Variants in SND1 observed in about 807,000 individuals in gnomAD.
The protein encoded by SND1 is staphylococcal nuclease and tudor domain containing 1.
In SND1, 38 loss-of-function variants were observed where a neutral mutation model predicts 121.7. That is an observed-to-expected ratio of 0.31 (90% CI 0.24 to 0.41). The LOEUF (loss-of-function observed/expected upper bound fraction) is 0.41, where lower values mean the gene tolerates loss of function less well. Among genes scored for constraint, SND1 ranks in the 10% least tolerant of loss-of-function variants. The probability of loss-of-function intolerance (pLI) is 1.00; values close to 1 mark genes in which losing one functional copy is unlikely to be tolerated. For missense variants in SND1, 868 were observed against 1,184.6 expected (o/e 0.73, Z 3.92); for synonymous variants, 401 against 447.4 (o/e 0.90, Z 1.31).
At chr7:127,700,548 A>T (rs554194127) in intron 4 of SND1, among the ~76,000 whole-genome samples, 2 of 151,696 alleles carry the variant, frequency 1.3e-5, no homozygotes, top group Admixed American at 6.5e-5. Context: ...TAGCCTTTTT[A>T]AAAAAACTTG....
chr7:127,711,127 C>G (rs1306684719), intron 9 of SND1, among the ~76,000 whole-genome samples: 1 of 152,172 alleles, frequency 6.6e-6, no homozygotes, highest in Non-Finnish European at 1.5e-5. Context: ...ACTGGTTTCT[C>G]TTTTTGCCTG....
At chr7:127,709,167 A>G (rs751541098) in intron 9 of SND1, among the ~76,000 whole-genome samples, 4 of 152,172 alleles carry the variant, frequency 2.6e-5, no homozygotes, top group Non-Finnish European at 4.4e-5. Flanking sequence ...GCAGACCACA[A>G]TGTCCCTTCT....
chr7:127,887,912 G>A lies in SND1; in HGVS notation c.1354G>A (p.Glu452Lys). 6.2e-7 allele frequency: 1 copy of A among 1,611,192 alleles called. No individual in the cohort carries two copies. Among genetic ancestry groups the A allele is most frequent in the Non-Finnish European group, 8.5e-7 (1 of 1,178,188 alleles). ...TCTTTTCTGTTGCAGAAACATTGCT[G>A]AGGCTCTTGTCAGCAAAGGTCTAGC... Reference protein sequence around the residue: ...TVTIGGINIAEALVSKGLATV... With the variant: ...TVTIGGINIAKALVSKGLATV... Residue 452 changes from glutamate to lysine, a missense_variant, in exon 13 of 24, where the codon GAG (glutamate) becomes AAG (lysine). By Grantham distance (56) the Glu-to-Lys change is moderately conservative (BLOSUM62 1). This residue lies in a region of SND1 where 743 missense variants were observed against 1,071.3 expected (regional missense o/e 0.69). Transcript: ENST00000354725.
chr7:127,679,989 T>C (rs1325967011), intron 1 of SND1, among the ~76,000 whole-genome samples: 1 of 152,126 alleles, frequency 6.6e-6, no homozygotes, highest in Non-Finnish European at 1.5e-5. Flanking sequence ...CGTAGGTTCT[T>C]TTCTATTTTC....
At chr7:127,999,621 C>T (rs1415395141) in intron 16 of SND1, 1 of 152,088 alleles carries the variant, frequency 6.6e-6, no homozygotes, top group African/African-American at 2.4e-5. Flanking sequence ...CTTTATGCCT[C>T]ATCTCAATTG....
intron 16 of SND1, among the ~76,000 whole-genome samples, chr7:127,994,065 G>A (rs543284566): frequency 2.6e-5 from 4 of 152,340 alleles, no homozygotes; most frequent in South Asian, 2.1e-4. Flanking sequence ...TTGGTGGGCC[G>A]TGCAGGAGTT....
intron 16 of SND1, among the ~76,000 whole-genome samples, chr7:128,009,869 G>A (rs528126356): frequency 2.8e-4 from 43 of 152,128 alleles, no homozygotes; most frequent in Non-Finnish European, 5.0e-4. Context: ...AATGAGAAAG[G>A]AGTCAATGCC....
rs1584778647 is a variant in SND1 at position 128,081,362 on chromosome 7, C to G, written c.1971C>G (p.Val657=). 1 of 1,614,134 alleles carries G rather than the reference C, an allele frequency of 6.2e-7. No individual in the cohort carries two copies. The highest frequency in any genetic ancestry group is 8.5e-7 in the Non-Finnish European group (1 of 1,180,006). ...ACCTCTGCCGACTGAACATGCAGGT[C>G]TGGGCCCACTATGAGGAGCAGCCCG... ...EEAAKQKKEK[V]WAHYEEQPVE... is the part of the protein sequence containing the mutation. Residue 657 remains valine (V), a splice_region_variant and synonymous_variant, in exon 18 of 24, where the codon GTC becomes GTG. Coordinates refer to ENST00000354725, the MANE Select transcript of SND1 (RefSeq NM_014390.4).
intron 15 of SND1, among the ~76,000 whole-genome samples, chr7:127,958,670 T>C (rs1227150892): frequency 6.6e-6 from 1 of 152,148 alleles, no homozygotes. Flanking sequence ...CATGCTTACG[T>C]CCAGAGTGCC....
At position 128,029,268 on chromosome 7, in the gene SND1, G is replaced by C; in HGVS notation, c.1779+38212G>C. 8 of 1,614,156 alleles carry C rather than the reference G, an allele frequency of 5.0e-6. No homozygotes were observed. The highest frequency in any genetic ancestry group is 6.8e-6 in the Non-Finnish European group (8 of 1,180,036). On this transcript the variant is annotated intron_variant, in intron 16 of 23. Coordinates refer to ENST00000354725, the MANE Select transcript of SND1 (RefSeq NM_014390.4). This position sits in a 1 kb window ranked among gnomAD's most constrained non-coding sequence, Gnocchi z 4.2. ...AGGCGAGATCTCCGTGGTCTCCACT[G>C]TTACTGTGGTGAAGAAGCTGTAGTT...
rs561329328 is a variant in SND1 at position 127,824,133 on chromosome 7, A to G, written c.1242+16560A>G. Reference sequence around the variant, plus strand: ...AAATGCAGTGCTATATTTTTATACTATCCTTTTCCCATGGTGGTATCTTTA... The same window carrying G: ...AAATGCAGTGCTATATTTTTATACTGTCCTTTTCCCATGGTGGTATCTTTA... On this transcript the variant is annotated intron_variant, in intron 11 of 23. Coordinates refer to ENST00000354725, the MANE Select transcript of SND1 (RefSeq NM_014390.4). 8.5e-4 allele frequency among the ~76,000 whole-genome samples: 129 copies of G among 152,344 alleles called. 3 individuals carry two copies. Among genetic ancestry groups the G allele is most frequent in the African/African-American group, 4.1e-4 (17 of 41,580 alleles).
intron 10 of SND1, among the ~76,000 whole-genome samples, chr7:127,749,046 T>TG (rs1453934314): frequency 1.4e-5 from 2 of 146,090 alleles, no homozygotes; most frequent in South Asian, 4.4e-4. Flanking sequence ...TTCTTTCGTT[T>TG]TTTTTTTTTT....
At chr7:128,012,307 C>A (rs1370735445) in intron 16 of SND1, among the ~76,000 whole-genome samples, 1 of 152,142 alleles carries the variant, frequency 6.6e-6, no homozygotes, top group Non-Finnish European at 1.5e-5. Flanking sequence ...TGGATGAACT[C>A]ACTGTAACCG....
chr7:127,810,135 G>A (rs958832290), intron 11 of SND1, among the ~76,000 whole-genome samples: 1 of 152,196 alleles, frequency 6.6e-6, no homozygotes, highest in Non-Finnish European at 1.5e-5. Flanking sequence ...GTTATGAGAA[G>A]TGCATCAGCG....
At chr7:128,083,832 G>A (rs1290666322) in intron 18 of SND1, among the ~76,000 whole-genome samples, 2 of 152,192 alleles carry the variant, frequency 1.3e-5, no homozygotes, top group African/African-American at 4.8e-5. Flanking sequence ...GCTAGAATCA[G>A]GGCCAGAAGG....
intron 1 of SND1, among the ~76,000 whole-genome samples, chr7:127,681,670 C>T (rs150788630): frequency 0.012 from 1,785 of 152,118 alleles, 11 homozygotes; most frequent in Non-Finnish European, 0.02. Context: ...TATGGTATGA[C>T]GTAGAGGGCC....
intron 2 of SND1, among the ~76,000 whole-genome samples, chr7:127,687,674 T>C (rs556953399): frequency 1.1e-4 from 17 of 152,170 alleles, no homozygotes; most frequent in Admixed American, 2.6e-4. Flanking sequence ...TGGCTGCCCA[T>C]ACTTTATTAC....
intron 20 of SND1, chr7:128,086,661 G>A (rs935212952): frequency 3.8e-6 from 2 of 519,832 alleles, no homozygotes; most frequent in Non-Finnish European, 7.0e-6. Context: ...AGCGATTAGA[G>A]TCCAGTTATA....
At chr7:127,707,484 A>AC in intron 8 of SND1, 73 bp from the exon 9 acceptor site, 1 of 1,199,650 alleles carries the variant, frequency 8.3e-7, no homozygotes, top group Non-Finnish European at 1.2e-6. Context: ...TGCTGCACCA[A>AC]CTGTGCTCCC....
Sources: allele counts gnomAD v4.1 joint callset (sites outside exome capture counted in the v4.1 genomes callset), GRCh38; gene constraint gnomAD v4.1.1; regional missense constraint gnomAD v4.1.1; non-coding constraint Gnocchi (gnomAD v3.1); transcripts MANE v1.5; gene names NCBI Gene and HGNC (gene_info 2026-07-23, HGNC 2026-07-21).